Variants in SYNM observed in about 807,000 individuals in gnomAD.
SYNM encodes synemin.
Under a neutral mutation model 104.0 loss-of-function variants are expected in SYNM, and 95 were observed. The ratio of observed to expected loss-of-function variants is 0.91; its 90% CI spans 0.77 to 1.08. The LOEUF is 1.08. Ranked by LOEUF, SYNM falls within the 50% of genes least tolerant of loss-of-function variation. SYNM has a pLI of 0.00. For synonymous variants in SYNM, 918 were observed against 869.0 expected, an observed-to-expected ratio of 1.06 and a Z score of -0.99; for missense variants, 2,150 against 2,052.2, an observed-to-expected ratio of 1.05 and a Z score of -0.92.
At position 99,132,695 on chromosome 15, in the gene SYNM, C is replaced by A. The variant is rs1555486180; in HGVS notation, c.4335C>A (p.Ser1445Arg). The stretch of plus-strand genomic sequence containing the variant: ...AGCTAGGCAAGTTAGCAGACAGCAG[C>A]AGAACGCTAAGGCACATTGCACCAG... ...SPELGKLADS[S>R]RTLRHIAPGP... The change falls in exon 4 of 4, where the codon AGC becomes AGA. Residue 1445 changes from serine to arginine, a missense_variant. By Grantham distance (110) the Ser-to-Arg change is moderately radical. Transcript: ENST00000336292. The A allele has an allele frequency of 1.2e-6, 2 of 1,613,896 alleles. No homozygotes were observed.
Position 99,105,448 on chromosome 15 carries a change from C to A in SYNM, c.249C>A (p.Gly83=). 7.0e-7 allele frequency: 1 copy of A among 1,428,500 alleles called. No individual in the cohort carries two copies. The highest frequency in any genetic ancestry group is 9.1e-7 in the Non-Finnish European group (1 of 1,096,406). 88.5% of individuals were successfully genotyped at this position (1,428,500 alleles called of 1,614,324 possible). A position where few individuals can be genotyped will look rare whatever the true frequency, so the allele number is the denominator to read the frequency against. Residue 83 remains glycine, a synonymous_variant, in exon 1 of 4, where the codon GGC becomes GGA. Transcript: ENST00000336292. ...GCTGGGCCACTGCGCTGGCGGAGGG[C>A]GAGCGGGACGCTCTGCGGCGCGAGC... ...ELSWATALAE[G]ERDALRRELR...
chr15:99,105,570 T>G lies in SYNM; in HGVS notation c.371T>G (p.Leu124Arg). ...GAQQRELQEA[L>R]GARAALEALL... Reference sequence around the variant, plus strand: ...CAGCAGCGCGAGCTGCAGGAGGCGCTGGGCGCGCGCGCCGCCCTCGAGGCG... The same window carrying G: ...CAGCAGCGCGAGCTGCAGGAGGCGCGGGGCGCGCGCGCCGCCCTCGAGGCG... The change falls in exon 1 of 4, where the codon CTG becomes CGG. Residue 124 changes from leucine (L) to arginine (R), a missense_variant. Physicochemically the swap from Leu to Arg is moderately radical, Grantham distance 102. Coordinates refer to ENST00000336292, the MANE Select transcript of SYNM (RefSeq NM_145728.3). 8.6e-7 allele frequency: 1 copy of G among 1,164,034 alleles called. No individual in the cohort carries two copies. The highest frequency in any genetic ancestry group is 1.1e-6 in the Non-Finnish European group (1 of 947,612). The allele number at this position is 1,164,034 out of a possible 1,614,324, so 72.1% of individuals were successfully genotyped here.
Position 99,127,083 on chromosome 15 carries a change from A to G in SYNM, c.1006+291A>G, listed in dbSNP as rs1423134343. Among the ~76,000 whole-genome samples the G allele has an allele frequency of 2.6e-5, 4 of 152,168 alleles. 1 individual carries two copies. The highest frequency in any genetic ancestry group is 4.4e-5 in the Non-Finnish European group (3 of 68,018). On this transcript the variant is annotated intron_variant, in intron 3 of 3. Coordinates refer to ENST00000336292, the MANE Select transcript of SYNM (RefSeq NM_145728.3). ...GCAGTGTGAGGGCGAGCAGGAGTGC[A>G]CCTGAACTTGTGTTTCACACCCCTG...
chr15:99,132,513 G>A lies in SYNM; in HGVS notation c.4153G>A (p.Ala1385Thr). 6.2e-7 allele frequency: 1 copy of A among 1,614,054 alleles called. No individual in the cohort carries two copies. Among genetic ancestry groups the A allele is most frequent in the Non-Finnish European group, 8.5e-7 (1 of 1,179,900 alleles). ...VVSESPQEDS[A>T]EDTSGAEMTS... ...TTCTGAATCTCCCCAGGAGGATAGT[G>A]CAGAGGACACATCAGGGGCAGAAAT... is the stretch of plus-strand genomic sequence containing the variant. Residue 1385 changes from alanine (A) to threonine (T), a missense_variant, in exon 4 of 4, where the codon GCA becomes ACA. Ala to Thr is a moderately conservative substitution (Grantham distance 58). Transcript: ENST00000336292.
At chr15:99,125,845 T>G (rs1469066334) in intron 2 of SYNM, among the ~76,000 whole-genome samples, 2 of 152,230 alleles carry the variant, frequency 1.3e-5, no homozygotes, top group African/African-American at 4.8e-5. Context: ...CAAGGGGTCT[T>G]CGCGAGTGAC....
rs532137659 is a variant in SYNM, at chr15:99,105,105, C to T, written c.-95C>T. 1.0e-3 allele frequency: 1,415 copies of T among 1,398,956 alleles called. 22 individuals are homozygous for T. In the South Asian group the frequency reaches 0.014, roughly 14 times the overall value. The allele number at this position is 1,398,956 out of a possible 1,614,324, so 86.7% of individuals were successfully genotyped here. The stretch of plus-strand genomic sequence containing the variant: ...AGTCTGCGGGCCTCCGGGGCAGCGG[C>T]GAGGCCGGAGCGTCGCGGCGGAGAG... On this transcript the variant is annotated 5_prime_UTR_variant, in exon 1 of 4. Transcript: ENST00000336292.
At chr15:99,110,173 G>A (rs1327737119) in intron 1 of SYNM, among the ~76,000 whole-genome samples, 1 of 152,154 alleles carries the variant, frequency 6.6e-6, no homozygotes. Flanking sequence ...AGGCGTTGTG[G>A]CCTGAGCAAC....
In SYNM at chr15:99,105,638, G is replaced by A. The variant is rs1555482501; in HGVS notation, c.439G>A (p.Ala147Thr). The change falls in exon 1 of 4, where the codon GCC becomes ACC. Residue 147 changes from alanine (A) to threonine (T), a missense_variant. Transcript: ENST00000336292. ...LQAERRGLDA[A>T]HERDVRELRA... ...GGCCGAGCGCCGAGGCCTCGACGCG[G>A]CCCACGAACGCGACGTGAGGGAGCT... 4 of 1,355,696 alleles carry A rather than the reference G, an allele frequency of 3.0e-6. No individual in the cohort carries two copies. The highest frequency in any genetic ancestry group is 3.1e-5 in the African/African-American group (2 of 64,252). The allele number at this position is 1,355,696 out of a possible 1,614,324, so 84.0% of individuals were successfully genotyped here.
chr15:99,115,334 G>A (rs1008186467), intron 2 of SYNM, among the ~76,000 whole-genome samples: 1 of 152,148 alleles, frequency 6.6e-6, no homozygotes, highest in African/African-American at 2.4e-5. Context: ...CCCTGGTGAG[G>A]GGTAGAGCAG....
chr15:99,140,274 C>T (rs1460977008), downstream of SYNM: 1 of 152,378 alleles, frequency 6.6e-6, no homozygotes, highest in Non-Finnish European at 1.5e-5. Flanking sequence ...TGGATCACTA[C>T]CCCAAATCAA....
At chr15:99,125,767 C>T (rs1281139248) in intron 2 of SYNM, among the ~76,000 whole-genome samples, 8 of 152,190 alleles carry the variant, frequency 5.3e-5, no homozygotes, top group Non-Finnish European at 2.9e-5. Context: ...TTCTTGGAAC[C>T]GGAGTTAGTG....
intron 2 of SYNM, among the ~76,000 whole-genome samples, chr15:99,122,257 C>G (rs782115940): frequency 6.6e-6 from 1 of 152,182 alleles, no homozygotes; most frequent in Non-Finnish European, 1.5e-5. Flanking sequence ...TCTCTGGTCT[C>G]CATGTAGACT....
In SYNM at chr15:99,132,840, G is replaced by GCT; in HGVS notation, c.4480_4481insCT (p.Asp1494AlafsTer11). 1 of 1,613,970 alleles carries GCT rather than the reference G, an allele frequency of 6.2e-7. No homozygotes were observed. The highest frequency in any genetic ancestry group is 8.5e-7 in the Non-Finnish European group (1 of 1,179,894). ...TGACCGTGGTTCCTGGAGAGACGCG[G>GCT]ACAGTAGGAATGACCAGGCAGTTGG... On this transcript the variant is annotated frameshift_variant, in exon 4 of 4. Transcript: ENST00000336292. LOFTEE classifies it high-confidence loss of function.
Position 99,126,787 on chromosome 15 carries a change from C to T in SYNM, c.1001C>T (p.Pro334Leu), listed in dbSNP as rs781871238. ...VIWAEHVENMPSEFRNKSYHY... is the reference protein window; with the variant it reads ...VIWAEHVENMLSEFRNKSYHY... ...TGGGCTGAGCACGTTGAAAACATGC[C>T]GTCAGGTAAGTAAAAGCTAATGACT... The change falls in exon 3 of 4, where the codon CCG becomes CTG. Residue 334 changes from proline (P) to leucine (L), a missense_variant. Coordinates refer to ENST00000336292, the MANE Select transcript of SYNM (RefSeq NM_145728.3). 5.7e-6 allele frequency: 9 copies of T among 1,567,192 alleles called. No homozygotes were observed. The East Asian group carries it at 7.1e-5, about 12-fold the overall frequency.
At position 99,130,878 on chromosome 15, in the gene SYNM, G is replaced by A. The variant is rs371126107; in HGVS notation, c.2518G>A (p.Gly840Arg). Reference protein sequence around the residue: ...YFVSTPDEHPGGHDRDDGSVY... With the variant: ...YFVSTPDEHPRGHDRDDGSVY... Reference sequence around the variant, plus strand: ...TGTGTCCACTCCAGATGAACACCCCGGGGGGCACGACAGAGATGACGGCTC... The same window carrying A: ...TGTGTCCACTCCAGATGAACACCCCAGGGGGCACGACAGAGATGACGGCTC... The change falls in exon 4 of 4, where the codon GGG (glycine) becomes AGG (arginine). Residue 840 changes from glycine to arginine, a missense_variant. Gly to Arg is a moderately radical substitution (Grantham distance 125). Coordinates refer to ENST00000336292, the MANE Select transcript of SYNM (RefSeq NM_145728.3). 61 of 1,613,806 alleles carry A rather than the reference G, an allele frequency of 3.8e-5. No homozygotes were observed. The highest frequency in any genetic ancestry group is 1.6e-4 in the Middle Eastern group (1 of 6,084).
chr15:99,118,266 TGA>T (rs2067368772), intron 2 of SYNM, among the ~76,000 whole-genome samples: 1 of 152,264 alleles, frequency 6.6e-6, no homozygotes. Context: ...ATCCTCGATG[TGA>T]GTCTTGCTCA....
Position 99,131,879 on chromosome 15 carries a change from T to G in SYNM, c.3519T>G (p.His1173Gln), listed in dbSNP as rs373244242. The change falls in exon 4 of 4, where the codon CAT becomes CAG. Residue 1173 changes from histidine (H) to glutamine (Q), a missense_variant. Coordinates refer to ENST00000336292, the MANE Select transcript of SYNM (RefSeq NM_145728.3). The surrounding 1 kb of genome is among the most constrained non-coding windows in gnomAD (Gnocchi z 4.3). ...CCGGAGCCAGCCGGTCTGTGAGGCATGTCACGCTGGGTCCCGGTCAAAGTC... is the reference window on the plus strand; with the variant it reads ...CCGGAGCCAGCCGGTCTGTGAGGCAGGTCACGCTGGGTCCCGGTCAAAGTC... ...SPTGASRSVRHVTLGPGQSPL... is the reference protein window; with the variant it reads ...SPTGASRSVRQVTLGPGQSPL... The G allele has an allele frequency of 2.0e-5, 33 of 1,613,840 alleles. No homozygotes were observed. The highest frequency in any genetic ancestry group is 1.5e-4 in the Admixed American group (9 of 60,012).
Position 99,132,194 on chromosome 15 carries a change from G to T in SYNM, c.3834G>T (p.Gln1278His). 6.2e-7 allele frequency: 1 copy of T among 1,613,476 alleles called. No individual in the cohort carries two copies. The highest frequency in any genetic ancestry group is 8.5e-7 in the Non-Finnish European group (1 of 1,179,472). Residue 1278 changes from glutamine (Q) to histidine (H), a missense_variant, in exon 4 of 4, where the codon CAG becomes CAT. Gln to His is a conservative substitution (Grantham distance 24). Coordinates refer to ENST00000336292, the MANE Select transcript of SYNM (RefSeq NM_145728.3). ...GPKEGFSGQIQFTAPLSDKVE... is the reference protein window; with the variant it reads ...GPKEGFSGQIHFTAPLSDKVE... ...AAGAAGGGTTCAGTGGGCAAATCCA[G>T]TTCACAGCTCCACTTTCAGACAAGG...
At chr15:99,123,317 C>T (rs1337420350) in intron 2 of SYNM, among the ~76,000 whole-genome samples, 30 of 65,430 alleles carry the variant, frequency 4.6e-4, no homozygotes, top group Non-Finnish European at 7.3e-4. Flanking sequence ...TTTTTTTTTT[C>T]AGTCTCTAGT....
Sources: gnomAD v4.1 joint callset for allele counts (sites outside exome capture counted in the v4.1 genomes callset) on GRCh38, gnomAD v4.1.1 for gene constraint, Gnocchi (gnomAD v3.1) non-coding constraint, MANE v1.5 for transcripts, NCBI Gene and HGNC (gene_info 2026-07-23, HGNC 2026-07-21) for gene names.